SEL1L2: variants seen among roughly 807,000 people sequenced by gnomAD.
SEL1L2 encodes the protein protein sel-1 homolog 2.
SEL1L2 carries 89 observed loss-of-function variants against 98.8 expected under a neutral mutation model. The ratio of observed to expected loss-of-function variants is 0.90; its 90% CI spans 0.76 to 1.07. The LOEUF (loss-of-function observed/expected upper bound fraction) is 1.07, where lower values mean the gene tolerates loss of function less well. Ranked by LOEUF, SEL1L2 falls within the 50% of genes least tolerant of loss-of-function variation. SEL1L2 has a pLI of 0.00. For missense variants in SEL1L2, 788 were observed against 812.0 expected (o/e 0.97, Z 0.36); for synonymous variants, 262 against 278.5 (o/e 0.94, Z 0.59).
intron 1 of SEL1L2, among the ~76,000 whole-genome samples, chr20:13,988,683 T>G (rs2052375460): frequency 2.0e-5 from 3 of 152,198 alleles, no homozygotes; most frequent in African/African-American, 7.2e-5. Flanking sequence ...AGTTTGCCAA[T>G]TTTTGAAAAG....
At chr20:13,973,565 AG>A (rs374249074) in intron 1 of SEL1L2, 1 of 152,218 alleles carries the variant, frequency 6.6e-6, no homozygotes, top group Non-Finnish European at 1.5e-5. Context: ...CTAGGAATAG[AG>A]ACTCCATGAA....
At chr20:13,866,260 G>T (rs1385260928) in intron 15 of SEL1L2, among the ~76,000 whole-genome samples, 2 of 152,174 alleles carry the variant, frequency 1.3e-5, no homozygotes, top group Non-Finnish European at 2.9e-5. Flanking sequence ...CAGGCTGAAA[G>T]AATTCACTTT....
At chr20:13,929,268 T>A (rs78142849) in intron 3 of SEL1L2, among the ~76,000 whole-genome samples, 7,718 of 150,738 alleles carry the variant, frequency 0.051, 254 homozygotes, top group Non-Finnish European at 0.073. Flanking sequence ...TTTTTTTTTT[T>A]AATCTTTTTC....
chr20:13,952,224 A>C (rs1350244785), intron 2 of SEL1L2, among the ~76,000 whole-genome samples: 3 of 152,154 alleles, frequency 2.0e-5, no homozygotes, highest in African/African-American at 7.2e-5. Context: ...ATTTTTTCCC[A>C]AACTCAATTC....
upstream of SEL1L2, among the ~76,000 whole-genome samples, chr20:13,993,746 G>C (rs1220150026): frequency 6.6e-6 from 1 of 152,100 alleles, no homozygotes; most frequent in African/African-American, 2.4e-5. Flanking sequence ...ATCTGCAACT[G>C]TTCCCATATT....
chr20:13,985,382 G>A (rs2052112232), intron 1 of SEL1L2, among the ~76,000 whole-genome samples: 1 of 152,022 alleles, frequency 6.6e-6, no homozygotes, highest in Non-Finnish European at 1.5e-5. Context: ...GGCCTGAAAT[G>A]TTCTTGTTCT....
At chr20:13,961,212 C>T (rs150819358) in intron 1 of SEL1L2, among the ~76,000 whole-genome samples, 66 of 152,294 alleles carry the variant, frequency 4.3e-4, no homozygotes, top group African/African-American at 1.6e-3. Flanking sequence ...CCACTTCAAA[C>T]CTTACCAAAG....
At chr20:13,886,140 C>A (rs905288315) in intron 9 of SEL1L2, 148 bp downstream of exon 9, 7 of 460,046 alleles carry the variant, frequency 1.5e-5, no homozygotes, top group Non-Finnish European at 2.2e-5. Flanking sequence ...TAGCAGGGAA[C>A]AAAACAGGAG....
At chr20:13,922,076 T>C (rs1382135127) in intron 3 of SEL1L2, among the ~76,000 whole-genome samples, 1 of 152,244 alleles carries the variant, frequency 6.6e-6, no homozygotes, top group Non-Finnish European at 1.5e-5. Context: ...ACTTGTTTCA[T>C]GAACCATATT....
intron 2 of SEL1L2, among the ~76,000 whole-genome samples, chr20:13,933,671 AATAG>A (rs2049259666): frequency 6.6e-6 from 1 of 152,170 alleles, no homozygotes; most frequent in Non-Finnish European, 1.5e-5. Context: ...GCAGATATTA[AATAG>A]ATACTGTGCC....
At position 13,850,443 on chromosome 20, in the gene SEL1L2, A is replaced by T. The variant is rs117295069; in HGVS notation, c.1819-124T>A. 3.7e-3 allele frequency: 3,748 copies of T among 1,024,478 alleles called. 13 individuals are homozygous for T. The highest frequency in any genetic ancestry group is 4.7e-3 in the Non-Finnish European group (3,270 of 692,328). The allele number at this position is 1,024,478 out of a possible 1,614,324, so 63.5% of individuals were successfully genotyped here. A position where few individuals can be genotyped will look rare whatever the true frequency, so the allele number is the denominator to read the frequency against. On this transcript the variant is annotated intron_variant, in intron 18 of 19. Coordinates refer to ENST00000284951, the MANE Select transcript of SEL1L2 (RefSeq NM_025229.2). Reference sequence around the variant, plus strand: ...TAAGATAGGGAGATTATCATGGATTATCCAAGTGGACCTCAGATAATCAAA... The same window carrying T: ...TAAGATAGGGAGATTATCATGGATTTTCCAAGTGGACCTCAGATAATCAAA...
At chr20:13,880,269 C>T (rs2046633214) in intron 10 of SEL1L2, among the ~76,000 whole-genome samples, 2 of 152,162 alleles carry the variant, frequency 1.3e-5, no homozygotes, top group Non-Finnish European at 2.9e-5. Flanking sequence ...AAGTTTCATT[C>T]TGGGAAATCA....
At position 13,920,174 on chromosome 20, in the gene SEL1L2, G is replaced by A. The variant is rs769721758; in HGVS notation, c.284-1051C>T. On this transcript the variant is annotated intron_variant, in intron 3 of 19. Coordinates refer to ENST00000284951, the MANE Select transcript of SEL1L2 (RefSeq NM_025229.2). ...ACTCAGGAGGCAGAAGTTACAGTGA[G>A]CTGAGATCAGGCCACTGCACTCCAG... Among the ~76,000 whole-genome samples, 97 of 146,506 alleles carry A rather than the reference G, an allele frequency of 6.6e-4. 1 individual carries two copies. In the Middle Eastern group the frequency reaches 0.048, roughly 73 times the overall value.
chr20:13,857,720 T>C (rs1989387258), intron 18 of SEL1L2, among the ~76,000 whole-genome samples: 1 of 152,218 alleles, frequency 6.6e-6, no homozygotes, highest in Admixed American at 6.5e-5. Flanking sequence ...ATTATTATGT[T>C]TTGCATGAGG....
At chr20:13,859,572 A>C in intron 17 of SEL1L2, 138 bp from the exon 18 acceptor site, 1 of 667,242 alleles carries the variant, frequency 1.5e-6, no homozygotes, top group South Asian at 2.2e-5. Context: ...GGAACCAAAA[A>C]CACTCAGAAC....
At chr20:13,932,407 AATTATTATTATTATTATTATT>A (rs140408055) in intron 2 of SEL1L2, among the ~76,000 whole-genome samples, 1 of 144,926 alleles carries the variant, frequency 6.9e-6, no homozygotes, top group Non-Finnish European at 1.5e-5. Flanking sequence ...TTCCTTTGTC[AATTATTATTATTATTATTATT>A]ATTATTATTA....
intron 3 of SEL1L2, among the ~76,000 whole-genome samples, chr20:13,925,142 C>CA (rs374085445): frequency 2.1e-3 from 318 of 150,376 alleles, no homozygotes; most frequent in South Asian, 6.1e-3. Context: ...CTGTACCTCA[C>CA]AAAAAAAAAT....
rs187322822 is a variant in SEL1L2, at chr20:13,878,578, T to C, written c.958-990A>G. On this transcript the variant is annotated intron_variant, in intron 10 of 19. Transcript: ENST00000284951. ...ACGTTCCTTCTCAAAGAGAAGAGAA[T>C]GTTTAAGGAAGAACTGCTGGTAGTT... Among the ~76,000 whole-genome samples, 555 of 152,336 alleles carry C rather than the reference T, an allele frequency of 3.6e-3. 3 individuals carry two copies. Among genetic ancestry groups the C allele is most frequent in the South Asian group, 8.3e-3 (40 of 4,830 alleles).
intron 14 of SEL1L2, among the ~76,000 whole-genome samples, chr20:13,867,968 C>T (rs944236689): frequency 1.3e-5 from 2 of 152,034 alleles, no homozygotes; most frequent in Non-Finnish European, 2.9e-5. Flanking sequence ...GCTGCCCTGG[C>T]TCCTCCTCTG....
Sources: allele counts gnomAD v4.1 joint callset (sites outside exome capture counted in the v4.1 genomes callset), GRCh38; gene constraint gnomAD v4.1.1; transcripts MANE v1.5; gene names NCBI Gene and HGNC (gene_info 2026-07-23, HGNC 2026-07-21).